The following CDH12 variants were observed in gnomAD, a reference collection of about 807,000 sequenced individuals.
CDH12 encodes cadherin 12.
CDH12 carries 41 observed loss-of-function variants against 74.1 expected under a neutral mutation model. The ratio of observed to expected loss-of-function variants is 0.55; its 90% confidence interval spans 0.43 to 0.72. The LOEUF is 0.72. CDH12 is among the 30% of genes least tolerant of loss of function. The probability of loss-of-function intolerance (pLI) is 0.00; values close to 1 mark genes in which losing one functional copy is unlikely to be tolerated. For synonymous variants in CDH12, 399 were observed against 355.0 expected (o/e 1.12, Z -1.39); for missense variants, 945 against 977.2 (o/e 0.97, Z 0.44).
At chr5:22,153,848 A>ATGTGTGTGTGTG (rs202179631) in intron 4 of CDH12, among the ~76,000 whole-genome samples, 5 of 130,940 alleles carry the variant, frequency 3.8e-5, no homozygotes, top group African/African-American at 1.5e-4. Flanking sequence ...ATATACATAT[A>ATGTGTGTGTGTG]TGTGTGTGTG....
At chr5:22,546,816 T>C (rs1200856073) in intron 1 of CDH12, among the ~76,000 whole-genome samples, 2 of 152,222 alleles carry the variant, frequency 1.3e-5, no homozygotes, top group Non-Finnish European at 2.9e-5. Flanking sequence ...ATTTATTTTC[T>C]AGGGCCCCAT....
chr5:22,090,523 T>A (rs1554008897), intron 4 of CDH12, among the ~76,000 whole-genome samples: 1 of 148,770 alleles, frequency 6.7e-6, no homozygotes, highest in Non-Finnish European at 1.5e-5. Flanking sequence ...GAACATACCC[T>A]GACTTATTCT....
intron 6 of CDH12, among the ~76,000 whole-genome samples, chr5:21,938,748 A>ATC (rs1554046031): frequency 5.2e-4 from 71 of 136,458 alleles, no homozygotes; most frequent in South Asian, 1.6e-3. Context: ...ATATATATAT[A>ATC]TCTTCTACAT....
intron 4 of CDH12, among the ~76,000 whole-genome samples, chr5:22,097,559 TC>T (rs1476354824): frequency 2.0e-5 from 3 of 152,042 alleles, no homozygotes; most frequent in Non-Finnish European, 4.4e-5. Context: ...TTTTAAGCGC[TC>T]CTTTTTAGTT....
chr5:22,771,668 T>C (rs1746812832), intron 1 of CDH12, among the ~76,000 whole-genome samples: 1 of 152,108 alleles, frequency 6.6e-6, no homozygotes, highest in Non-Finnish European at 1.5e-5. Flanking sequence ...ATAGTAAAAA[T>C]TATTTTAAAT....
intron 6 of CDH12, among the ~76,000 whole-genome samples, chr5:21,866,908 C>T (rs1313793302): frequency 6.6e-6 from 1 of 152,068 alleles, no homozygotes; most frequent in African/African-American, 2.4e-5. Flanking sequence ...CCCCAGGGTC[C>T]CTTTACTGTG....
intron 1 of CDH12, among the ~76,000 whole-genome samples, chr5:22,831,188 A>G (rs1736585199): frequency 6.6e-6 from 1 of 152,164 alleles, no homozygotes; most frequent in Non-Finnish European, 1.5e-5. Context: ...ATATATTTCT[A>G]TAAAGAAAAA....
chr5:22,286,196 C>T (rs996508277), intron 3 of CDH12, among the ~76,000 whole-genome samples: 1 of 152,078 alleles, frequency 6.6e-6, no homozygotes, highest in African/African-American at 2.4e-5. Flanking sequence ...CTGGCAGAAA[C>T]AATGCAGACA....
At chr5:21,837,347 T>A (rs550809492) in intron 8 of CDH12, among the ~76,000 whole-genome samples, 3 of 151,362 alleles carry the variant, frequency 2.0e-5, no homozygotes, top group South Asian at 4.2e-4. Context: ...TTTTTTTCCA[T>A]CTCAAATTAA....
At position 22,692,369 on chromosome 5, in the gene CDH12, G is replaced by C. The variant is rs1372677965; in HGVS notation, c.-523+160689C>G. On this transcript the variant is annotated intron_variant, in intron 1 of 14. Transcript: ENST00000382254. ...GTAACGCAAATGTACTAACCCATGTGGCATTTCAACTACATGCCTCCATGG... is the reference window on the plus strand; with the variant it reads ...GTAACGCAAATGTACTAACCCATGTCGCATTTCAACTACATGCCTCCATGG... 3.9e-5 allele frequency among the ~76,000 whole-genome samples: 6 copies of C among 152,072 alleles called. No homozygotes were observed. In the South Asian group the frequency reaches 1.0e-3, roughly 26 times the overall value.
chr5:22,718,828 T>C (rs1057037242), intron 1 of CDH12, among the ~76,000 whole-genome samples: 2 of 152,190 alleles, frequency 1.3e-5, no homozygotes, highest in Non-Finnish European at 2.9e-5. Context: ...TTGCCATGCA[T>C]TGTGGCCAAA....
intron 3 of CDH12, among the ~76,000 whole-genome samples, chr5:22,363,738 A>G (rs970048214): frequency 1.3e-5 from 2 of 152,174 alleles, no homozygotes; most frequent in Admixed American, 6.6e-5. Context: ...AAAAAAATGC[A>G]TCTTTGGGAA....
At chr5:22,029,016 A>T (rs1738603393) in intron 5 of CDH12, among the ~76,000 whole-genome samples, 1 of 152,190 alleles carries the variant, frequency 6.6e-6, no homozygotes, top group Admixed American at 6.5e-5. Context: ...TGGGGAAAGG[A>T]TTCCCTATTT....
intron 1 of CDH12, among the ~76,000 whole-genome samples, chr5:22,535,143 C>CTT (rs767048116): frequency 5.8e-5 from 4 of 69,210 alleles, no homozygotes; most frequent in South Asian, 4.5e-4. Context: ...GGCTAATTTT[C>CTT]TTTTTTTTTT....
chr5:21,886,435 T>C (rs1752634111), intron 6 of CDH12, among the ~76,000 whole-genome samples: 1 of 149,676 alleles, frequency 6.7e-6, no homozygotes, highest in African/African-American at 2.4e-5. Flanking sequence ...GTTTTTTCTT[T>C]TTATTATTTT....
chr5:22,640,273 C>G (rs1175791129), intron 1 of CDH12, among the ~76,000 whole-genome samples: 2 of 152,060 alleles, frequency 1.3e-5, no homozygotes, highest in East Asian at 1.9e-4. Context: ...ATGGTGAGAA[C>G]CAATGTGATA....
At chr5:22,250,208 CTA>C (rs1411617753) in intron 3 of CDH12, among the ~76,000 whole-genome samples, 5 of 148,236 alleles carry the variant, frequency 3.4e-5, no homozygotes, top group African/African-American at 1.2e-4. Flanking sequence ...TATATATAGT[CTA>C]CTGCTGTGCA....
Position 22,457,933 on chromosome 5 carries a change from C to T in CDH12, c.-428+47337G>A, listed in dbSNP as rs958009648. On this transcript the variant is annotated intron_variant, in intron 2 of 14. Coordinates refer to ENST00000382254, the MANE Select transcript of CDH12 (RefSeq NM_004061.5). ...CTAATTTTTGTAATTTTAGTAAAGA[C>T]GGGGTTTCACCACCTTGGCCAGGCT... 8.5e-5 allele frequency among the ~76,000 whole-genome samples: 13 copies of T among 152,098 alleles called. No homozygotes were observed. The East Asian group carries it at 9.7e-4, about 11-fold the overall frequency.
chr5:22,643,046 T>C (rs1739232983), intron 1 of CDH12, among the ~76,000 whole-genome samples: 1 of 152,142 alleles, frequency 6.6e-6, no homozygotes, highest in South Asian at 2.1e-4. Context: ...CTATGAAGCT[T>C]TTGTATTGAT....
Sources: gnomAD v4.1 joint callset for allele counts (sites outside exome capture counted in the v4.1 genomes callset) on GRCh38, gnomAD v4.1.1 for gene constraint, MANE v1.5 for transcripts, NCBI Gene and HGNC (gene_info 2026-07-23, HGNC 2026-07-21) for gene names.